The following PARD3B variants were observed in gnomAD, a reference collection of about 807,000 sequenced individuals.
The protein encoded by PARD3B is partitioning defective 3 homolog B.
In PARD3B, 103 loss-of-function variants were observed where a neutral mutation model predicts 130.2. That is an observed-to-expected ratio of 0.79 (90% CI 0.67 to 0.93). PARD3B has a LOEUF of 0.93. Ranked by LOEUF, PARD3B falls within the 40% of genes least tolerant of loss-of-function variation. PARD3B has a pLI of 0.00. For missense variants in PARD3B, 1,609 were observed against 1,499.2 expected, an observed-to-expected ratio of 1.07 and a Z score of -1.21; for synonymous variants, 583 against 553.2, an observed-to-expected ratio of 1.05 and a Z score of -0.76.
chr2:204,546,135 A>C lies in PARD3B; in HGVS notation c.120+16A>C. 6.4e-7 allele frequency: 1 copy of C among 1,551,472 alleles called. No homozygotes were observed. Among genetic ancestry groups the C allele is most frequent in the Non-Finnish European group, 8.7e-7 (1 of 1,147,834 alleles). ...CCGGGAGAAGGTGAGCGCGGCGCGGAGGAGTGGGGCGCGGCTGCAGCCAAG... is the reference window on the plus strand; with the variant it reads ...CCGGGAGAAGGTGAGCGCGGCGCGGCGGAGTGGGGCGCGGCTGCAGCCAAG... On this transcript the variant is annotated intron_variant, in intron 1 of 22. Coordinates refer to ENST00000406610, the MANE Select transcript of PARD3B (RefSeq NM_001302769.2).
At chr2:205,612,376 A>G (rs2055264196) in intron 22 of PARD3B, among the ~76,000 whole-genome samples, 1 of 152,184 alleles carries the variant, frequency 6.6e-6, no homozygotes, top group Non-Finnish European at 1.5e-5. Flanking sequence ...TCCTGACCTC[A>G]AGTGATCCAC....
At chr2:205,022,141 T>G (rs1290708338) in intron 3 of PARD3B, among the ~76,000 whole-genome samples, 2 of 152,208 alleles carry the variant, frequency 1.3e-5, no homozygotes, top group African/African-American at 4.8e-5. Context: ...AAATGTTATA[T>G]TATTGTGTCA....
At chr2:205,396,498 G>A (rs138477038) in intron 18 of PARD3B, among the ~76,000 whole-genome samples, 2 of 152,278 alleles carry the variant, frequency 1.3e-5, no homozygotes, top group African/African-American at 4.8e-5. Flanking sequence ...CAGAGAAATG[G>A]ACAGGTGTTT....
chr2:204,914,774 A>G (rs994064370), intron 2 of PARD3B, among the ~76,000 whole-genome samples: 1 of 152,196 alleles, frequency 6.6e-6, no homozygotes. Context: ...ACAGTGGGGC[A>G]GGGAATGAAT....
chr2:204,919,971 T>G (rs942205044), intron 2 of PARD3B, among the ~76,000 whole-genome samples: 1 of 152,140 alleles, frequency 6.6e-6, no homozygotes, highest in South Asian at 2.1e-4. Flanking sequence ...GACACATGAA[T>G]TTCTCTTGCA....
intron 21 of PARD3B, among the ~76,000 whole-genome samples, chr2:205,500,849 C>T (rs143578407): frequency 2.0e-4 from 31 of 152,264 alleles, no homozygotes; most frequent in African/African-American, 7.5e-4. Context: ...AGTGTCCTTG[C>T]TGGGGTTCAG....
At chr2:205,531,236 G>C (rs1410763045) in intron 21 of PARD3B, among the ~76,000 whole-genome samples, 1 of 152,090 alleles carries the variant, frequency 6.6e-6, no homozygotes, top group Non-Finnish European at 1.5e-5. Context: ...CTCCTCATTA[G>C]AGACAATTAA....
At chr2:205,079,190 T>G (rs1575722610) in intron 4 of PARD3B, among the ~76,000 whole-genome samples, 1 of 152,368 alleles carries the variant, frequency 6.6e-6, no homozygotes, top group East Asian at 1.9e-4. Flanking sequence ...AGATCTGTTC[T>G]TACATGATGT....
At chr2:204,811,973 C>T (rs1413030131) in intron 2 of PARD3B, among the ~76,000 whole-genome samples, 3 of 151,892 alleles carry the variant, frequency 2.0e-5, no homozygotes, top group Non-Finnish European at 2.9e-5. Context: ...AAAAGTTCAC[C>T]GGAATTAAAG....
intron 1 of PARD3B, among the ~76,000 whole-genome samples, chr2:204,576,924 C>G (rs897457110): frequency 2.6e-5 from 4 of 151,994 alleles, no homozygotes; most frequent in South Asian, 2.1e-4. Context: ...GAAACCGTGC[C>G]GTGTTTTTAA....
chr2:205,204,170 T>C (rs1244034429), intron 15 of PARD3B, among the ~76,000 whole-genome samples: 1 of 152,244 alleles, frequency 6.6e-6, no homozygotes, highest in Non-Finnish European at 1.5e-5. Flanking sequence ...TGGTATCTCA[T>C]TGTGGTTTTG....
intron 4 of PARD3B, among the ~76,000 whole-genome samples, chr2:205,095,146 A>T (rs756836590): frequency 6.6e-6 from 1 of 152,086 alleles, no homozygotes; most frequent in Admixed American, 6.6e-5. Context: ...CAATATCTTC[A>T]CCCTTTCAAT....
At chr2:204,947,610 T>G (rs1276419872) in intron 2 of PARD3B, among the ~76,000 whole-genome samples, 2 of 134,592 alleles carry the variant, frequency 1.5e-5, no homozygotes, top group Non-Finnish European at 3.1e-5. Flanking sequence ...TTTCCTTGTT[T>G]ACTTATTAAC....
rs369766633 is a variant in PARD3B, at chr2:205,473,684, GTATA to G, written c.3045-26189_3045-26186del. Among the ~76,000 whole-genome samples, 2,819 of 114,508 alleles carry G rather than the reference GTATA, an allele frequency of 0.025. 53 individuals are homozygous for G. Among genetic ancestry groups the G allele is most frequent in the African/African-American group, 0.066 (1,800 of 27,368 alleles). 75.1% of individuals were successfully genotyped at this position (114,508 alleles called of 152,430 possible). On this transcript the variant is annotated intron_variant, in intron 20 of 22. Transcript: ENST00000406610. The surrounding 1 kb of genome is among the most constrained non-coding windows in gnomAD (Gnocchi z 4.9). ...TGTGTGTGTGTGTGTGTGTGTGTATGTATATATATATATATATATATATATACAC... is the reference window on the plus strand; with the variant it reads ...TGTGTGTGTGTGTGTGTGTGTGTATGTATATATATATATATATATATACAC...
Position 205,326,036 on chromosome 2 carries a change from G to A in PARD3B, c.2630+24335G>A, listed in dbSNP as rs1014394644. Among the ~76,000 whole-genome samples the A allele has an allele frequency of 3.2e-4, 48 of 152,148 alleles. 1 individual carries two copies. Among genetic ancestry groups the A allele is most frequent in the African/African-American group, 1.1e-3 (45 of 41,432 alleles). ...AACTGCCTAATTTGTTAATTTGCAT[G>A]TGAAGTATACTGTTACCAGGGAAGG... On this transcript the variant is annotated intron_variant, in intron 18 of 22. Transcript: ENST00000406610.
intron 2 of PARD3B, among the ~76,000 whole-genome samples, chr2:204,748,070 A>G (rs1027069314): frequency 6.6e-6 from 1 of 152,084 alleles, no homozygotes; most frequent in South Asian, 2.1e-4. Flanking sequence ...ATAATAATAT[A>G]TTTTATTGAG....
intron 1 of PARD3B, among the ~76,000 whole-genome samples, chr2:204,665,347 T>C (rs1010396490): frequency 6.6e-6 from 1 of 152,132 alleles, no homozygotes; most frequent in Admixed American, 6.5e-5. Flanking sequence ...AGAAGGGCTC[T>C]GCCAGAGGAA....
chr2:205,408,814 T>G (rs184736471), intron 19 of PARD3B, among the ~76,000 whole-genome samples: 403 of 152,276 alleles, frequency 2.6e-3, no homozygotes, highest in African/African-American at 9.3e-3. Flanking sequence ...ATCCCTATCT[T>G]TTGCAGTAGA....
chr2:204,905,843 G>A (rs1412593783), intron 2 of PARD3B, among the ~76,000 whole-genome samples: 2 of 152,140 alleles, frequency 1.3e-5, no homozygotes, highest in Non-Finnish European at 2.9e-5. Context: ...GACTCTTGAG[G>A]ACCAGTAGCA....
Sources: allele counts gnomAD v4.1 joint callset (sites outside exome capture counted in the v4.1 genomes callset), GRCh38; gene constraint gnomAD v4.1.1; non-coding constraint Gnocchi (gnomAD v3.1); transcripts MANE v1.5; gene names NCBI Gene and HGNC (gene_info 2026-07-23, HGNC 2026-07-21).